Variants in OR10R2 observed in about 807,000 individuals in gnomAD.
OR10R2 encodes olfactory receptor 10R2.
Under a neutral mutation model 2.4 loss-of-function variants are expected in OR10R2, and 1 was observed. The ratio of observed to expected loss-of-function variants is 0.41; its 90% CI spans 0.15 to 1.95. OR10R2 has a LOEUF of 1.95. OR10R2 is among the 30% of genes most tolerant of loss of function. The pLI is 0.30. For missense variants in OR10R2, 419 were observed against 373.0 expected (o/e 1.12, Z -1.01); for synonymous variants, 166 against 144.8 (o/e 1.15, Z -1.05).
exon 2 of OR10R2, chr1:158,480,508 A>C: frequency 6.2e-7 from 1 of 1,613,636 alleles, no homozygotes; most frequent in Non-Finnish European, 8.5e-7. Flanking sequence ...GGCTTGTACC[A>C]ACACAGATGT....
At chr1:158,478,638 A>T (rs1408990572) in intron 1 of OR10R2, among the ~76,000 whole-genome samples, 2 of 152,174 alleles carry the variant, frequency 1.3e-5, no homozygotes, top group Non-Finnish European at 2.9e-5. Flanking sequence ...AAAGCAGTTT[A>T]TGTATCAGAA....
chr1:158,477,343 G>A (rs1338324518), intron 1 of OR10R2, among the ~76,000 whole-genome samples: 2 of 152,082 alleles, frequency 1.3e-5, no homozygotes, highest in Admixed American at 1.3e-4. Flanking sequence ...CATCCAAATA[G>A]GAAGAAAATG....
At chr1:158,473,616 T>C (rs908355394) in intron 1 of OR10R2, among the ~76,000 whole-genome samples, 1 of 152,318 alleles carries the variant, frequency 6.6e-6, no homozygotes, top group East Asian at 1.9e-4. Context: ...ACTAAGAAGT[T>C]CCATAAGATT....
At chr1:158,476,172 AATATGATTTTCGTATGATTTT>A (rs1167313474) in intron 1 of OR10R2, among the ~76,000 whole-genome samples, 2 of 152,088 alleles carry the variant, frequency 1.3e-5, no homozygotes, top group East Asian at 3.8e-4. Context: ...AGCTTTCAAA[AATATGATTTTCGTATGATTTT>A]ATTGTTACTG....
chr1:158,475,085 C>T (rs558339112), intron 1 of OR10R2, among the ~76,000 whole-genome samples: 9 of 152,060 alleles, frequency 5.9e-5, no homozygotes, highest in South Asian at 2.1e-4. Context: ...TACAATATAG[C>T]GAGGTTAAAT....
At chr1:158,476,996 G>A (rs1301160397) in intron 1 of OR10R2, among the ~76,000 whole-genome samples, 1 of 152,106 alleles carries the variant, frequency 6.6e-6, no homozygotes, top group African/African-American at 2.4e-5. Context: ...CTGATGCATA[G>A]TTTGAATATT....
intron 1 of OR10R2, among the ~76,000 whole-genome samples, chr1:158,478,524 A>G (rs547105091): frequency 4.8e-4 from 73 of 152,224 alleles, no homozygotes; most frequent in South Asian, 1.9e-3. Context: ...TAGAAAATCA[A>G]AGGTATACTA....
At chr1:158,477,424 G>C (rs888528780) in intron 1 of OR10R2, among the ~76,000 whole-genome samples, 5 of 152,042 alleles carry the variant, frequency 3.3e-5, no homozygotes, top group African/African-American at 1.2e-4. Flanking sequence ...CTGCCAAAAG[G>C]CTCCTAGAAC....
At chr1:158,478,606 A>C (rs1656318921) in intron 1 of OR10R2, among the ~76,000 whole-genome samples, 2 of 152,154 alleles carry the variant, frequency 1.3e-5, no homozygotes, top group Admixed American at 6.6e-5. Context: ...TTTTTCATAA[A>C]CCATACACAA....
At chr1:158,480,504 T>C in exon 2 of OR10R2, 1 of 1,613,446 alleles carries the variant, frequency 6.2e-7, no homozygotes, top group Non-Finnish European at 8.5e-7. Context: ...TTCTGGCTTG[T>C]ACCAACACAG....
exon 2 of OR10R2, chr1:158,480,507 C>T (rs756966634): frequency 6.2e-7 from 1 of 1,613,276 alleles, no homozygotes; most frequent in East Asian, 2.2e-5. Context: ...TGGCTTGTAC[C>T]AACACAGATG....
exon 2 of OR10R2, chr1:158,480,096 A>T (rs763821025): frequency 1.8e-5 from 29 of 1,613,866 alleles, no homozygotes; most frequent in Middle Eastern, 1.7e-4. Flanking sequence ...ACCTGGATAA[A>T]AGCCTCCACA....
chr1:158,480,113 T>G (rs751351116), exon 2 of OR10R2: 1 of 1,612,934 alleles, frequency 6.2e-7, no homozygotes, highest in Admixed American at 1.7e-5. Context: ...CACACACCAA[T>G]GTACTTCTTC....
chr1:158,479,663 C>A (rs1200689993), intron 1 of OR10R2, among the ~76,000 whole-genome samples: 1 of 152,026 alleles, frequency 6.6e-6, no homozygotes, highest in Non-Finnish European at 1.5e-5. Context: ...GAGATATTAT[C>A]TTGTATTATT....
chr1:158,476,547 CAAAAAAAA>C (rs11291030), intron 1 of OR10R2, among the ~76,000 whole-genome samples: 1 of 110,042 alleles, frequency 9.1e-6, no homozygotes, highest in Admixed American at 9.8e-5. Flanking sequence ...GACTCCATCT[CAAAAAAAA>C]AAAAAAAAAG....
At chr1:158,473,978 CTTTT>C (rs1656221038) in intron 1 of OR10R2, among the ~76,000 whole-genome samples, 1 of 132,706 alleles carries the variant, frequency 7.5e-6, no homozygotes, top group Non-Finnish European at 1.6e-5. Flanking sequence ...TCTTTTCTTT[CTTTT>C]TTCTTTTCTT....
Position 158,480,235 on chromosome 1 carries a change from C to T in OR10R2, c.325C>T (p.Gln109Ter), listed in dbSNP as rs759019928. 3.7e-6 allele frequency: 6 copies of T among 1,613,946 alleles called. No homozygotes were observed. Among genetic ancestry groups the T allele is most frequent in the South Asian group, 1.1e-5 (1 of 91,076 alleles). ...AATCTCCTTCAACTGTTGTGCTCTT[C>T]AAATGTTCTTCTTCCTTGGTTTTGC... is the stretch of plus-strand genomic sequence containing the variant. Residue 109 changes from glutamine (Q) to a stop codon, truncating the protein, a stop_gained, in exon 2 of 2, where the codon CAA becomes TAA. Coordinates refer to ENST00000641067, the Ensembl canonical transcript of OR10R2. LOFTEE classifies it low-confidence loss of function (END_TRUNC).
At chr1:158,475,668 T>C (rs936184207) in intron 1 of OR10R2, among the ~76,000 whole-genome samples, 1 of 151,764 alleles carries the variant, frequency 6.6e-6, no homozygotes, top group Non-Finnish European at 1.5e-5. Flanking sequence ...TTTCCATTTG[T>C]TGTTTGCTTT....
intron 1 of OR10R2, among the ~76,000 whole-genome samples, chr1:158,476,473 G>A (rs181427545): frequency 0.012 from 1,762 of 150,598 alleles, 42 homozygotes; most frequent in African/African-American, 0.041. Flanking sequence ...GCTTGAACCC[G>A]GGAGGCGGAG....
Sources: allele counts gnomAD v4.1 joint callset (sites outside exome capture counted in the v4.1 genomes callset), GRCh38; gene constraint gnomAD v4.1.1; transcripts MANE v1.5; gene names NCBI Gene and HGNC (gene_info 2026-07-23, HGNC 2026-07-21).